FHOD3: variants seen among roughly 807,000 people sequenced by gnomAD.
The protein encoded by FHOD3 is formin homology 2 domain containing 3, also known as FH1/FH2 domain-containing protein 3.
FHOD3 carries 90 observed loss-of-function variants against 173.0 expected under a neutral mutation model. The observed-to-expected ratio is 0.52, with a 90% CI of 0.44 to 0.62. FHOD3 has a LOEUF of 0.62. Among genes scored for constraint, FHOD3 ranks in the 20% least tolerant of loss-of-function variants. FHOD3 has a pLI of 0.00. For synonymous variants in FHOD3, 828 were observed against 823.0 expected, an observed-to-expected ratio of 1.01 and a Z score of -0.10; for missense variants, 1,945 against 2,034.7, an observed-to-expected ratio of 0.96 and a Z score of 0.85.
chr18:36,427,289 A>T, intron 3 of FHOD3, among the ~76,000 whole-genome samples: 1 of 137,488 alleles, frequency 7.3e-6, no homozygotes, highest in Admixed American at 7.0e-5. Flanking sequence ...GCTTCTCTAA[A>T]AAAAAAAAAA....
chr18:36,684,392 G>A (rs1440825814), intron 15 of FHOD3, among the ~76,000 whole-genome samples: 1 of 151,632 alleles, frequency 6.6e-6, no homozygotes, highest in Non-Finnish European at 1.5e-5. Context: ...TAACCACAAA[G>A]GACATAGATA....
intron 4 of FHOD3, among the ~76,000 whole-genome samples, chr18:36,509,934 A>C (rs972583773): frequency 1.3e-5 from 2 of 152,176 alleles, no homozygotes; most frequent in Non-Finnish European, 2.9e-5. Context: ...GGAAGACCAC[A>C]CACATGTGCG....
chr18:36,618,191 T>G (rs778523378), intron 9 of FHOD3, among the ~76,000 whole-genome samples: 21 of 152,122 alleles, frequency 1.4e-4, no homozygotes, highest in South Asian at 6.2e-4. Flanking sequence ...CCTTTTACTT[T>G]CTTTCAGTTT....
intron 28 of FHOD3, among the ~76,000 whole-genome samples, chr18:36,775,646 C>T (rs1048777416): frequency 2.6e-5 from 4 of 152,148 alleles, no homozygotes; most frequent in African/African-American, 9.7e-5. Context: ...AGTAGAGTCA[C>T]CTGTGAGCCC....
chr18:36,374,784 G>T (rs946168430), intron 3 of FHOD3, among the ~76,000 whole-genome samples: 1 of 152,180 alleles, frequency 6.6e-6, no homozygotes, highest in African/African-American at 2.4e-5. Flanking sequence ...CAGGTAGACC[G>T]GCATGTTTTG....
chr18:36,396,533 T>A (rs1005355986), intron 3 of FHOD3, among the ~76,000 whole-genome samples: 1 of 152,218 alleles, frequency 6.6e-6, no homozygotes, highest in Non-Finnish European at 1.5e-5. Flanking sequence ...ATTTCTTTAA[T>A]GACTTTTCAT....
intron 1 of FHOD3, among the ~76,000 whole-genome samples, chr18:36,301,737 G>A (rs970268928): frequency 6.6e-6 from 1 of 152,180 alleles, no homozygotes; most frequent in African/African-American, 2.4e-5. Context: ...TGTTTGGATT[G>A]ATTTGTGCTA....
At chr18:36,481,020 G>GGTTT (rs1184139038) in intron 3 of FHOD3, among the ~76,000 whole-genome samples, 40 of 104,434 alleles carry the variant, frequency 3.8e-4, no homozygotes, top group African/African-American at 1.6e-3. Flanking sequence ...TTGGGAGGTG[G>GGTTT]TTTTTTTTTT....
At chr18:36,334,458 C>A (rs1424246109) in intron 1 of FHOD3, among the ~76,000 whole-genome samples, 1 of 152,242 alleles carries the variant, frequency 6.6e-6, no homozygotes, top group African/African-American at 2.4e-5. Flanking sequence ...CAACAGCTAA[C>A]ACCATGTCTT....
chr18:36,488,905 A>G lies in FHOD3; in HGVS notation c.338-13027A>G, dbSNP rs1267790189. Among the ~76,000 whole-genome samples the G allele has an allele frequency of 2.0e-5, 3 of 152,302 alleles. No individual in the cohort carries two copies. The South Asian group carries it at 6.2e-4, about 32-fold the overall frequency. On this transcript the variant is annotated intron_variant, in intron 3 of 28. Transcript: ENST00000590592. Reference sequence around the variant, plus strand: ...ACAGCTGGTGCCATAGATGAAGTAGAGAAAATGGCCCCCAAGAGCAGGTGG... The same window carrying G: ...ACAGCTGGTGCCATAGATGAAGTAGGGAAAATGGCCCCCAAGAGCAGGTGG...
chr18:36,587,282 T>A (rs897347582), intron 6 of FHOD3, among the ~76,000 whole-genome samples: 1 of 152,112 alleles, frequency 6.6e-6, no homozygotes, highest in Non-Finnish European at 1.5e-5. Context: ...GAGAGTTAGA[T>A]GATAATGAAG....
chr18:36,582,753 G>T (rs1363463956), intron 6 of FHOD3, among the ~76,000 whole-genome samples: 1 of 152,188 alleles, frequency 6.6e-6, no homozygotes, highest in Non-Finnish European at 1.5e-5. Flanking sequence ...TGGTAGCTGG[G>T]ATGCGATGTC....
chr18:36,369,814 C>A (rs530808997), intron 2 of FHOD3, among the ~76,000 whole-genome samples: 71 of 152,136 alleles, frequency 4.7e-4, no homozygotes, highest in African/African-American at 1.7e-3. Context: ...CCCTAAAAAA[C>A]CAGGGACTCT....
At chr18:36,723,528 G>T (rs371831584) in intron 19 of FHOD3, among the ~76,000 whole-genome samples, 1 of 152,094 alleles carries the variant, frequency 6.6e-6, no homozygotes, top group Non-Finnish European at 1.5e-5. Context: ...CTTTCTCAAC[G>T]GACAGTTTTG....
chr18:36,778,424 T>G (rs2043848064), intron 28 of FHOD3: 2 of 152,192 alleles, frequency 1.3e-5, no homozygotes. Context: ...CTGTGCGAAC[T>G]TTAAAGAAAT....
rs1015526988 is a variant in FHOD3, at chr18:36,299,238, A to G, written c.165+1238A>G. Among the ~76,000 whole-genome samples, 9 of 152,204 alleles carry G rather than the reference A, an allele frequency of 5.9e-5. No individual in the cohort carries two copies. In the East Asian group the frequency reaches 1.7e-3, roughly 29 times the overall value. On this transcript the variant is annotated intron_variant, in intron 1 of 28. Coordinates refer to ENST00000590592, the MANE Select transcript of FHOD3 (RefSeq NM_001281740.3). ...ATAAGGAATGGGGCATTTCCATCTC[A>G]TTCTCTCCTGGTTGGTTCAGGACGG...
At chr18:36,396,026 G>A (rs1035775200) in intron 3 of FHOD3, among the ~76,000 whole-genome samples, 2 of 152,086 alleles carry the variant, frequency 1.3e-5, no homozygotes, top group Non-Finnish European at 2.9e-5. Context: ...TTATTGGTAT[G>A]CTTTATAAGA....
chr18:36,692,826 A>G (rs1332648032), intron 16 of FHOD3: 1 of 208,736 alleles, frequency 4.8e-6, no homozygotes, highest in Non-Finnish European at 9.7e-6. Flanking sequence ...GCACCCACCC[A>G]TTTCACAGCT....
At position 36,522,998 on chromosome 18, in the gene FHOD3, C is replaced by T. The variant is rs535229114; in HGVS notation, c.511+10455C>T. On this transcript the variant is annotated intron_variant, in intron 5 of 28. Coordinates refer to ENST00000590592, the MANE Select transcript of FHOD3 (RefSeq NM_001281740.3). ...CTATCCCTAGCTGCTTAAAACTGGA[C>T]CTTTCCAAAACCACTCACATGGGAG... is the stretch of plus-strand genomic sequence containing the variant. 1.9e-3 allele frequency among the ~76,000 whole-genome samples: 285 copies of T among 152,322 alleles called. 3 individuals are homozygous for T. The highest frequency in any genetic ancestry group is 6.5e-3 in the African/African-American group (269 of 41,578).
Sources: allele counts gnomAD v4.1 joint callset (sites outside exome capture counted in the v4.1 genomes callset), GRCh38; gene constraint gnomAD v4.1.1; transcripts MANE v1.5; gene names NCBI Gene and HGNC (gene_info 2026-07-23, HGNC 2026-07-21).